FGD1: variants seen among roughly 807,000 people sequenced by gnomAD.
The protein encoded by FGD1 is FYVE, RhoGEF and PH domain containing 1.
A neutral mutation model predicts 65.0 loss-of-function variants in FGD1; 12 were observed. That is an observed-to-expected ratio of 0.18 (90% confidence interval 0.12 to 0.30). FGD1 has a LOEUF of 0.30. Ranked by LOEUF, FGD1 falls within the 10% of genes least tolerant of loss-of-function variation. The pLI is 1.00. For missense variants in FGD1, 542 were observed against 837.6 expected (o/e 0.65, Z 4.36); for synonymous variants, 333 against 343.9 (o/e 0.97, Z 0.35).
intron 8 of FGD1, among the ~76,000 whole-genome samples, chrX:54,464,190 T>C (rs1196969369): frequency 2.1e-5 from 2 of 95,459 alleles, no homozygotes. Flanking sequence ...TGAAGTGTAG[T>C]GATGCAATCT....
In FGD1 at chrX:54,456,371, CAA is replaced by C. The variant is rs760651925; in HGVS notation, c.1696-7_1696-6del. The C allele has an allele frequency of 1.7e-6, 2 of 1,211,813 alleles. No individual in the cohort carries two copies. The highest frequency in any genetic ancestry group is 1.8e-5 in the South Asian group (1 of 56,995). On this transcript the variant is annotated splice_region_variant and splice_polypyrimidine_tract_variant and intron_variant, in intron 9 of 17. Coordinates refer to ENST00000375135, the MANE Select transcript of FGD1 (RefSeq NM_004463.3). The stretch of plus-strand genomic sequence containing the variant: ...CAGCAGCTTATGCATTCGCTCCTGG[CAA>C]AAGACAGGGAACAAAAGGCACGGTT...
chrX:54,475,760 A>G (rs1923002385), intron 1 of FGD1, among the ~76,000 whole-genome samples: 1 of 112,257 alleles, frequency 8.9e-6, no homozygotes, highest in Non-Finnish European at 1.9e-5. Flanking sequence ...CCTACTGTCC[A>G]TGGGAAAATA....
At chrX:54,448,699 C>T in intron 16 of FGD1, 107 bp downstream of exon 16, 1 of 818,005 alleles carries the variant, frequency 1.2e-6, no homozygotes, top group African/African-American at 2.0e-5. Context: ...AGCCTGGGTC[C>T]CTTGATCACT....
At chrX:54,481,034 C>G (rs143446820) in intron 1 of FGD1, among the ~76,000 whole-genome samples, 4 of 111,900 alleles carry the variant, frequency 3.6e-5, no homozygotes, top group African/African-American at 1.3e-4. Flanking sequence ...TCAAATTCAA[C>G]TTGTGGGCCA....
intron 2 of FGD1, 119 bp from the exon 3 acceptor site, chrX:54,470,879 C>T (rs1388414941): frequency 1.3e-5 from 6 of 445,992 alleles, no homozygotes; most frequent in South Asian, 3.4e-5. Flanking sequence ...CATGGTGGCA[C>T]GTGCCTGTAG....
intron 1 of FGD1, among the ~76,000 whole-genome samples, chrX:54,487,731 C>A (rs1199147024): frequency 2.7e-5 from 3 of 110,246 alleles, no homozygotes; most frequent in African/African-American, 9.9e-5. Flanking sequence ...AGGCGGATCA[C>A]CTGAGGTCAG....
rs938074273 is a variant in FGD1, at chrX:54,495,860, G to A, written c.-428C>T. The A allele has an allele frequency of 8.9e-6, 1 of 111,917 alleles. No homozygotes were observed. Among genetic ancestry groups the A allele is most frequent in the Admixed American group, 9.3e-5 (1 of 10,776 alleles). The allele number at this position is 111,917 out of a possible 1,213,427, so 9.2% of individuals were successfully genotyped here. On this transcript the variant is annotated 5_prime_UTR_variant, in exon 1 of 18. Coordinates refer to ENST00000375135, the MANE Select transcript of FGD1 (RefSeq NM_004463.3). ...AGAAGTCGGTCGGATCCAAGTGCGGGGTCTCTTCTTTCTCCCCGAATGGGA... is the reference window on the plus strand; with the variant it reads ...AGAAGTCGGTCGGATCCAAGTGCGGAGTCTCTTCTTTCTCCCCGAATGGGA...
chrX:54,486,769 ACAAGGT>A (rs1331772601), intron 1 of FGD1, among the ~76,000 whole-genome samples: 1 of 105,468 alleles, frequency 9.5e-6, no homozygotes, highest in African/African-American at 3.4e-5. Flanking sequence ...CGGGCGGATC[ACAAGGT>A]CAGGAGTTCA....
intron 1 of FGD1, among the ~76,000 whole-genome samples, chrX:54,483,177 A>C (rs976261317): frequency 9.0e-6 from 1 of 111,316 alleles, no homozygotes; most frequent in African/African-American, 3.3e-5. Flanking sequence ...AGAGAGAGAG[A>C]AGCAGTCAGC....
chrX:54,485,287 G>C (rs1032247150), intron 1 of FGD1, among the ~76,000 whole-genome samples: 1 of 110,507 alleles, frequency 9.0e-6, no homozygotes, highest in Non-Finnish European at 1.9e-5. Flanking sequence ...TCTCCTTTCC[G>C]TAAGCAAACC....
At chrX:54,465,384 C>A in intron 8 of FGD1, 67 bp downstream of exon 8, 1 of 1,117,132 alleles carries the variant, frequency 9.0e-7, no homozygotes, top group Non-Finnish European at 1.2e-6. Flanking sequence ...TGGGGTCCTG[C>A]CTCAGAGGTC....
chrX:54,484,092 C>T (rs996887663), intron 1 of FGD1, among the ~76,000 whole-genome samples: 13 of 112,023 alleles, frequency 1.2e-4, no homozygotes, highest in South Asian at 3.8e-4. Flanking sequence ...AACATTTCCC[C>T]GCCCCACGAT....
intron 10 of FGD1, 124 bp downstream of exon 10, chrX:54,456,096 T>G: frequency 2.6e-6 from 2 of 774,285 alleles, no homozygotes; most frequent in Non-Finnish European, 3.8e-6. Context: ...GTATAGTCTG[T>G]TTTTCTTTTT....
chrX:54,479,449 C>T (rs1227379107), intron 1 of FGD1, among the ~76,000 whole-genome samples: 1 of 111,641 alleles, frequency 9.0e-6, no homozygotes, highest in Admixed American at 9.5e-5. Context: ...CCAATTTCCC[C>T]ATTTGGGGCC....
intron 8 of FGD1, among the ~76,000 whole-genome samples, chrX:54,457,650 TCTTA>T (rs1922533981): frequency 9.0e-6 from 1 of 111,650 alleles, no homozygotes; most frequent in Non-Finnish European, 1.9e-5. Flanking sequence ...TATAGAATGA[TCTTA>T]CTTTTACAAG....
Position 54,465,856 on chromosome X carries a change from G to A in FGD1, c.1341-4C>T, listed in dbSNP as rs750317399. On this transcript the variant is annotated splice_polypyrimidine_tract_variant and splice_region_variant and intron_variant, in intron 6 of 17. Coordinates refer to ENST00000375135, the MANE Select transcript of FGD1 (RefSeq NM_004463.3). ...TCCAATGCGTGGATAGCGGTCCCTG[G>A]GGTGGAATTAGGGGCTGATGTGGTC... 6 of 1,211,364 alleles carry A rather than the reference G, an allele frequency of 5.0e-6. No homozygotes were observed. The highest frequency in any genetic ancestry group is 6.7e-6 in the Non-Finnish European group (6 of 895,278).
chrX:54,459,119 C>T (rs1391497593), intron 8 of FGD1, among the ~76,000 whole-genome samples: 3 of 111,409 alleles, frequency 2.7e-5, no homozygotes, highest in African/African-American at 9.8e-5. Context: ...GTAGGGGGCA[C>T]CCAGGGAAGG....
chrX:54,478,345 G>A (rs767548474), intron 1 of FGD1, among the ~76,000 whole-genome samples: 136 of 110,424 alleles, frequency 1.2e-3, no homozygotes, highest in Non-Finnish European at 2.2e-3. Flanking sequence ...GCATCTGAAT[G>A]CTCACGACAG....
In FGD1 at chrX:54,470,776, G is replaced by A. The variant is rs1922873451; in HGVS notation, c.482-16C>T. On this transcript the variant is annotated splice_polypyrimidine_tract_variant and intron_variant, in intron 2 of 17. Transcript: ENST00000375135. ...TTTGGGGGCACTGGAGAGACGAATG[G>A]GGAAGAGAGAAGGGAGACATCAGTG... 1.0e-6 allele frequency: 1 copy of A among 1,003,967 alleles called. No individual in the cohort carries two copies. The allele number at this position is 1,003,967 out of a possible 1,213,427, so 82.7% of individuals were successfully genotyped here. A position where few individuals can be genotyped will look rare whatever the true frequency, so the allele number is the denominator to read the frequency against.
Sources: gnomAD v4.1 joint callset for allele counts (sites outside exome capture counted in the v4.1 genomes callset) on GRCh38, gnomAD v4.1.1 for gene constraint, MANE v1.5 for transcripts, NCBI Gene and HGNC (gene_info 2026-07-23, HGNC 2026-07-21) for gene names.